SYT1: variants seen among roughly 807,000 people sequenced by gnomAD.
The protein encoded by SYT1 is synaptotagmin-1.
SYT1 carries 8 observed loss-of-function variants against 44.8 expected under a neutral mutation model. The ratio of observed to expected loss-of-function variants is 0.18; its 90% CI spans 0.10 to 0.32. The LOEUF (loss-of-function observed/expected upper bound fraction) is 0.32. Ranked by LOEUF, SYT1 falls within the 10% of genes least tolerant of loss-of-function variation. The pLI is 1.00. For synonymous variants in SYT1, 154 were observed against 188.8 expected (o/e 0.82, Z 1.51); for missense variants, 286 against 509.3 (o/e 0.56, Z 4.22).
intron 9 of SYT1, among the ~76,000 whole-genome samples, chr12:79,410,643 G>T (rs1180139006): frequency 6.6e-6 from 1 of 151,884 alleles, no homozygotes; most frequent in African/African-American, 2.4e-5. Flanking sequence ...TTTACTGAAG[G>T]CCTCTGTATT....
At chr12:78,903,744 A>G (rs1319930828) in intron 1 of SYT1, among the ~76,000 whole-genome samples, 1 of 152,108 alleles carries the variant, frequency 6.6e-6, no homozygotes, top group Non-Finnish European at 1.5e-5. Context: ...ATGATTTACA[A>G]TATTCTGAAT....
intron 1 of SYT1, among the ~76,000 whole-genome samples, chr12:78,945,079 C>T (rs147355641): frequency 1.5e-3 from 230 of 152,208 alleles, no homozygotes; most frequent in African/African-American, 4.4e-3. Context: ...CATCAGTTTG[C>T]CTTCCTTGTC....
intron 8 of SYT1, among the ~76,000 whole-genome samples, chr12:79,321,994 G>A (rs1319584933): frequency 6.6e-6 from 1 of 152,142 alleles, no homozygotes; most frequent in African/African-American, 2.4e-5. Context: ...CGTAACAGGG[G>A]AGTGCAGTTG....
At position 79,050,827 on chromosome 12, in the gene SYT1, T is replaced by C. The variant is rs142386585; in HGVS notation, c.-18+3465T>C. On this transcript the variant is annotated intron_variant, in intron 3 of 10. Transcript: ENST00000261205. Reference sequence around the variant, plus strand: ...TGCAAATGCTCCTGACAAGTTTTACTTAGTCAATATTTCCCTATTAGAAGT... The same window carrying C: ...TGCAAATGCTCCTGACAAGTTTTACCTAGTCAATATTTCCCTATTAGAAGT... Among the ~76,000 whole-genome samples, 107 of 152,186 alleles carry C rather than the reference T, an allele frequency of 7.0e-4. 2 individuals are homozygous for C. The East Asian group carries it at 0.019, about 26-fold the overall frequency.
intron 9 of SYT1, among the ~76,000 whole-genome samples, chr12:79,409,835 A>G (rs1023598214): frequency 1.3e-5 from 2 of 152,096 alleles, no homozygotes; most frequent in Non-Finnish European, 2.9e-5. Context: ...TGCAGCAAGG[A>G]AAGAATCCTA....
At chr12:79,308,004 G>T (rs528653734) in intron 8 of SYT1, among the ~76,000 whole-genome samples, 1 of 152,180 alleles carries the variant, frequency 6.6e-6, no homozygotes, top group African/African-American at 2.4e-5. Flanking sequence ...GGGCTGAGAC[G>T]TTTGGAACTC....
At chr12:78,885,087 A>G (rs573456281) in intron 1 of SYT1, among the ~76,000 whole-genome samples, 2 of 152,108 alleles carry the variant, frequency 1.3e-5, no homozygotes, top group South Asian at 2.1e-4. Context: ...ATTTCAATCC[A>G]CTAGTATCTA....
At chr12:79,012,761 C>T (rs925716) in intron 2 of SYT1, among the ~76,000 whole-genome samples, 8,386 of 152,218 alleles carry the variant, frequency 0.055, 256 homozygotes, top group Admixed American at 0.092. Flanking sequence ...TGCACCCTGT[C>T]GCTGCTCCCT....
At chr12:78,900,277 C>A (rs184738959) in intron 1 of SYT1, among the ~76,000 whole-genome samples, 32 of 152,174 alleles carry the variant, frequency 2.1e-4, no homozygotes, top group African/African-American at 7.7e-4. Context: ...TCTTCTATTA[C>A]TAATACTAAA....
chr12:79,032,724 G>T (rs1364842715), intron 2 of SYT1, among the ~76,000 whole-genome samples: 2 of 151,256 alleles, frequency 1.3e-5, no homozygotes, highest in Non-Finnish European at 3.0e-5. Flanking sequence ...ATTATTTTAT[G>T]ATTATTTTCT....
In SYT1 at chr12:79,287,547, CAAT is replaced by C. The variant is rs142307960; in HGVS notation, c.351+1580_351+1582del. Among the ~76,000 whole-genome samples the C allele has an allele frequency of 5.2e-3, 784 of 152,094 alleles. 7 individuals carry two copies. The highest frequency in any genetic ancestry group is 8.9e-3 in the Non-Finnish European group (606 of 67,972). The stretch of plus-strand genomic sequence containing the variant: ...GTTAATTTTATCAATATTGTGAAAA[CAAT>C]AATTTGACAATAGATCACTATCTTT... On this transcript the variant is annotated intron_variant, in intron 5 of 10. Transcript: ENST00000261205.
rs367555166 is a variant in SYT1, at chr12:79,160,662, G to C, written c.-17-56841G>C. ...GTTCTAGATATGCTATGTTGAAAGT[G>C]CTGCCAAGACATCAAGTGAAAATGA... On this transcript the variant is annotated intron_variant, in intron 3 of 10. Coordinates refer to ENST00000261205, the MANE Select transcript of SYT1 (RefSeq NM_005639.3). Among the ~76,000 whole-genome samples the C allele has an allele frequency of 1.5e-3, 228 of 152,202 alleles. 10 individuals carry two copies. In the South Asian group the frequency reaches 0.045, roughly 30 times the overall value.
chr12:79,335,870 A>G (rs1882067414), intron 8 of SYT1, among the ~76,000 whole-genome samples: 1 of 152,236 alleles, frequency 6.6e-6, no homozygotes, highest in Non-Finnish European at 1.5e-5. Context: ...GCAGCTGGAA[A>G]GTAGAATGCC....
intron 9 of SYT1, among the ~76,000 whole-genome samples, chr12:79,375,329 T>C (rs1883950962): frequency 6.6e-6 from 1 of 152,124 alleles, no homozygotes; most frequent in Non-Finnish European, 1.5e-5. Flanking sequence ...GGCAAAGGGA[T>C]AGGCCAAAAG....
At chr12:79,127,999 G>A (rs1002891302) in intron 3 of SYT1, among the ~76,000 whole-genome samples, 1 of 152,186 alleles carries the variant, frequency 6.6e-6, no homozygotes, top group Non-Finnish European at 1.5e-5. Context: ...AACAGAAACA[G>A]TCATAATATA....
At chr12:78,894,501 C>T (rs982683146) in intron 1 of SYT1, among the ~76,000 whole-genome samples, 1 of 151,136 alleles carries the variant, frequency 6.6e-6, no homozygotes, top group African/African-American at 2.4e-5. Context: ...CTGATTGAGC[C>T]TCAGTTCCCT....
chr12:79,314,751 CA>C (rs933115385), intron 8 of SYT1, among the ~76,000 whole-genome samples: 2 of 151,392 alleles, frequency 1.3e-5, no homozygotes, highest in Non-Finnish European at 2.9e-5. Context: ...GTATACACAC[CA>C]AAAAAAATGT....
intron 1 of SYT1, among the ~76,000 whole-genome samples, chr12:78,944,926 G>A (rs1878571633): frequency 6.6e-6 from 1 of 152,060 alleles, no homozygotes; most frequent in African/African-American, 2.4e-5. Context: ...CTCAGATGTG[G>A]GACATGATTC....
At chr12:79,150,463 G>A (rs894895070) in intron 3 of SYT1, among the ~76,000 whole-genome samples, 4 of 152,106 alleles carry the variant, frequency 2.6e-5, no homozygotes, top group Non-Finnish European at 5.9e-5. Flanking sequence ...AGGGGTAGTG[G>A]GACTTTGGTC....
Sources: allele counts gnomAD v4.1 joint callset (sites outside exome capture counted in the v4.1 genomes callset), GRCh38; gene constraint gnomAD v4.1.1; transcripts MANE v1.5; gene names NCBI Gene and HGNC (gene_info 2026-07-23, HGNC 2026-07-21).